The following ZNF790 variants were observed in gnomAD, a reference collection of about 807,000 sequenced individuals.
The protein encoded by ZNF790 is zinc finger protein 790.
Under a neutral mutation model 12.1 loss-of-function variants are expected in ZNF790, and 8 were observed. The observed-to-expected ratio is 0.66, with a 90% CI of 0.39 to 1.19. ZNF790 has a LOEUF of 1.19. Among genes scored for constraint, ZNF790 ranks in the 50% most tolerant of loss-of-function variants. The pLI is 0.01. For missense variants in ZNF790, 707 were observed against 752.2 expected (o/e 0.94, Z 0.70); for synonymous variants, 252 against 244.3 (o/e 1.03, Z -0.29).
chr19:36,821,052 C>A (rs1203109615), intron 4 of ZNF790, among the ~76,000 whole-genome samples: 2 of 130,630 alleles, frequency 1.5e-5, no homozygotes, highest in Non-Finnish European at 3.2e-5. Context: ...TCCCCCCTCC[C>A]CCCACTGACC....
At chr19:36,836,211 G>A (rs1308204888) in intron 1 of ZNF790, among the ~76,000 whole-genome samples, 2 of 152,082 alleles carry the variant, frequency 1.3e-5, no homozygotes, top group Non-Finnish European at 2.9e-5. Flanking sequence ...GCCCCTGCTT[G>A]GATAGATGAT....
chr19:36,832,161 A>G lies in ZNF790; in HGVS notation c.-74+6176T>C, dbSNP rs1466844931. 3.3e-5 allele frequency among the ~76,000 whole-genome samples: 5 copies of G among 152,336 alleles called. No homozygotes were observed. The East Asian group carries it at 5.8e-4, about 18-fold the overall frequency. On this transcript the variant is annotated intron_variant, in intron 1 of 4. Transcript: ENST00000356725. ...ATGCGCTGTTTCAGAAGAAGCTACT[A>G]GAAGACATACTCCAGCCACAAAAGA...
chr19:36,827,068 TTGTGTGTG>T (rs1174218490), intron 1 of ZNF790, among the ~76,000 whole-genome samples: 9 of 145,596 alleles, frequency 6.2e-5, no homozygotes, highest in African/African-American at 2.3e-4. Flanking sequence ...TATATGTGTG[TTGTGTGTG>T]TATGTGTGTA....
upstream of ZNF790, among the ~76,000 whole-genome samples, chr19:36,839,929 G>A (rs2072114860): frequency 6.6e-6 from 1 of 151,934 alleles, no homozygotes; most frequent in Non-Finnish European, 1.5e-5. Flanking sequence ...TAGGTGTGGT[G>A]GTGCATGCCT....
At chr19:36,831,774 A>C (rs1346805777) in intron 1 of ZNF790, among the ~76,000 whole-genome samples, 1 of 152,218 alleles carries the variant, frequency 6.6e-6, no homozygotes, top group Non-Finnish European at 1.5e-5. Flanking sequence ...TGTATCTAAC[A>C]CTACAGTTTT....
At chr19:36,843,951 G>A (rs1430332156) in intron 1 of ZNF790, among the ~76,000 whole-genome samples, 1 of 148,102 alleles carries the variant, frequency 6.8e-6, no homozygotes, top group African/African-American at 2.5e-5. Flanking sequence ...AGGGTGCAGT[G>A]AGCCGAGATT....
intron 4 of ZNF790, among the ~76,000 whole-genome samples, chr19:36,821,562 A>T (rs544153852): frequency 2.0e-5 from 3 of 152,082 alleles, no homozygotes; most frequent in Non-Finnish European, 4.4e-5. Context: ...TAGACAAGTC[A>T]GAGTTTGTCT....
intron 2 of ZNF790, among the ~76,000 whole-genome samples, chr19:36,824,084 C>T (rs1277677839): frequency 1.3e-5 from 2 of 149,482 alleles, no homozygotes; most frequent in Non-Finnish European, 3.0e-5. Context: ...GCAAGCTCCG[C>T]CTCCCGGGTT....
In ZNF790 at chr19:36,831,042, G is replaced by A. The variant is rs2071935558; in HGVS notation, c.-73-5350C>T. Among the ~76,000 whole-genome samples, 4 of 152,090 alleles carry A rather than the reference G, an allele frequency of 2.6e-5. No homozygotes were observed. In the South Asian group the frequency reaches 8.3e-4, roughly 32 times the overall value. On this transcript the variant is annotated intron_variant, in intron 1 of 4. Transcript: ENST00000356725. ...TAGTGCCAGCTACTTGGGAGGCTGA[G>A]GCAGGAGAATCACTTGAACCTGGGA... is the stretch of plus-strand genomic sequence containing the variant.
rs1456208580 is a variant in ZNF790 at position 36,819,204 on chromosome 19, A to T, written c.1140T>A (p.Asn380Lys). ...CATGAACATTCTGATGTTGAGCAAG[A>T]TTTGAACCACGAATAAAGGCTTTTC... ...ECGKAFIRGS[N>K]LAQHQNVHVG... is the part of the protein sequence containing the mutation. The change falls in exon 5 of 5, where the codon AAT (asparagine) becomes AAA (lysine). Residue 380 changes from asparagine to lysine, a missense_variant. By Grantham distance (94) the Asn-to-Lys change is moderately conservative. Transcript: ENST00000356725. 6.2e-7 allele frequency: 1 copy of T among 1,613,696 alleles called. No homozygotes were observed. The highest frequency in any genetic ancestry group is 2.2e-5 in the East Asian group (1 of 44,842).
intron 1 of ZNF790, among the ~76,000 whole-genome samples, chr19:36,844,820 G>A (rs1482241365): frequency 1.3e-5 from 2 of 151,330 alleles, no homozygotes; most frequent in Non-Finnish European, 2.9e-5. Context: ...AGGCCGAGGC[G>A]GGCGGATCAC....
chr19:36,848,381 AG>A (rs2072199247), intron 1 of ZNF790, among the ~76,000 whole-genome samples: 4 of 152,226 alleles, frequency 2.6e-5, no homozygotes, highest in Admixed American at 1.3e-4. Flanking sequence ...AGAAACACAA[AG>A]GGCTGAGTTC....
At chr19:36,847,617 G>A (rs2072192408) in intron 1 of ZNF790, among the ~76,000 whole-genome samples, 1 of 152,024 alleles carries the variant, frequency 6.6e-6, no homozygotes, top group Non-Finnish European at 1.5e-5. Context: ...GGGATTGGTG[G>A]CATGTGCCTG....
chr19:36,844,625 C>T (rs1431577464), intron 1 of ZNF790, among the ~76,000 whole-genome samples: 1 of 149,034 alleles, frequency 6.7e-6, no homozygotes, highest in Non-Finnish European at 1.5e-5. Context: ...AGAAGTTCAC[C>T]AAAACTCTGA....
At chr19:36,832,138 G>A (rs2071955959) in intron 1 of ZNF790, among the ~76,000 whole-genome samples, 1 of 152,186 alleles carries the variant, frequency 6.6e-6, no homozygotes. Context: ...CTGTTGACAT[G>A]CGCTGTTTCA....
Position 36,823,393 on chromosome 19 carries a change from T to C in ZNF790, c.134-13A>G, listed in dbSNP as rs1312430613. The C allele has an allele frequency of 4.3e-6, 7 of 1,611,652 alleles. No individual in the cohort carries two copies. The highest frequency in any genetic ancestry group is 5.1e-6 in the Non-Finnish European group (6 of 1,178,456). On this transcript the variant is annotated splice_polypyrimidine_tract_variant and intron_variant, in intron 3 of 4. Transcript: ENST00000356725. ...TAAATGCAAAAACCTGCCCAGAAGA[T>C]GAGAAACAGCAAAGAACCACATTGT... is the stretch of plus-strand genomic sequence containing the variant.
Position 36,818,603 on chromosome 19 carries a change from T to C in ZNF790, c.1741A>G (p.Lys581Glu), listed in dbSNP as rs1241615866. ...FSHHSYFTEQ[K>E]IHNSANLCEW... ...CAGAGATTTGCACTATTATGAATTTTTTGTTCAGTAAAATATGAATGGTGA... is the reference window on the plus strand; with the variant it reads ...CAGAGATTTGCACTATTATGAATTTCTTGTTCAGTAAAATATGAATGGTGA... The change falls in exon 5 of 5, where the codon AAA (lysine) becomes GAA (glutamate). Residue 581 changes from lysine (K) to glutamate (E), a missense_variant. Transcript: ENST00000356725. 1 of 1,611,304 alleles carries C rather than the reference T, an allele frequency of 6.2e-7. No individual in the cohort carries two copies. The highest frequency in any genetic ancestry group is 1.7e-5 in the Admixed American group (1 of 59,746).
At position 36,823,801 on chromosome 19, in the gene ZNF790, G is replaced by T; in HGVS notation, c.10-11C>A. 1 of 1,587,514 alleles carries T rather than the reference G, an allele frequency of 6.3e-7. No homozygotes were observed. The highest frequency in any genetic ancestry group is 8.5e-7 in the Non-Finnish European group (1 of 1,171,324). ...CCTGAACATCATCAACTGTTGGAAA[G>T]AATAATTCCAAGTATTAATGGTGAA... is the stretch of plus-strand genomic sequence containing the variant. On this transcript the variant is annotated splice_polypyrimidine_tract_variant and intron_variant, in intron 2 of 4. Coordinates refer to ENST00000356725, the MANE Select transcript of ZNF790 (RefSeq NM_206894.4).
chr19:36,845,057 A>AG (rs2072166758), intron 1 of ZNF790, among the ~76,000 whole-genome samples: 1 of 147,094 alleles, frequency 6.8e-6, no homozygotes, highest in Admixed American at 6.7e-5. Flanking sequence ...CAAAAAAAAA[A>AG]AAAAAAAAAA....
Sources: allele counts gnomAD v4.1 joint callset (sites outside exome capture counted in the v4.1 genomes callset), GRCh38; gene constraint gnomAD v4.1.1; transcripts MANE v1.5; gene names NCBI Gene and HGNC (gene_info 2026-07-23, HGNC 2026-07-21).